Variants in ROPN1L observed in about 807,000 individuals in gnomAD.
ROPN1L encodes the protein rhophilin associated tail protein 1 like, also known as ropporin-1-like protein.
Under a neutral mutation model 22.7 loss-of-function variants are expected in ROPN1L, and 23 were observed. That is an observed-to-expected ratio of 1.01 (90% CI 0.73 to 1.43). The LOEUF is 1.43. ROPN1L is among the 40% of genes most tolerant of loss of function. The pLI is 0.00. For synonymous variants in ROPN1L, 116 were observed against 117.8 expected (o/e 0.98, Z 0.10); for missense variants, 271 against 291.5 (o/e 0.93, Z 0.51).
chr5:10,460,123 C>T (rs1734988916), intron 3 of ROPN1L, among the ~76,000 whole-genome samples: 2 of 152,146 alleles, frequency 1.3e-5, no homozygotes, highest in East Asian at 1.9e-4. Context: ...GACACCTGCC[C>T]CCACAGCTTA....
chr5:10,468,801 C>A (rs534249509), downstream of ROPN1L, among the ~76,000 whole-genome samples: 1 of 152,256 alleles, frequency 6.6e-6, no homozygotes, highest in Admixed American at 6.5e-5. Flanking sequence ...GGAGAGGAGG[C>A]CACATCTGGA....
chr5:10,464,439 C>T (rs548231093), intron 4 of ROPN1L, among the ~76,000 whole-genome samples: 11 of 152,260 alleles, frequency 7.2e-5, no homozygotes, highest in African/African-American at 2.7e-4. Context: ...CGCACCTCTT[C>T]TCTTCTTTTG....
At chr5:10,458,793 C>T (rs1734927232) in intron 3 of ROPN1L, among the ~76,000 whole-genome samples, 1 of 15,682 alleles carries the variant, frequency 6.4e-5, no homozygotes, top group South Asian at 2.5e-3. Flanking sequence ...CCCCCGTGTA[C>T]ACCATCCCGC....
chr5:10,460,574 G>A (rs76442554), intron 3 of ROPN1L, among the ~76,000 whole-genome samples: 1,617 of 152,378 alleles, frequency 0.011, 29 homozygotes, highest in African/African-American at 0.036. Context: ...TTGGAAGAGT[G>A]TGAGGGAGAT....
At chr5:10,473,412 G>A (rs2648807), downstream of ROPN1L, among the ~76,000 whole-genome samples, 26,866 of 152,114 alleles carry the variant, frequency 0.18, 3,546 homozygotes, top group East Asian at 0.67. Flanking sequence ...AGAGATTGGA[G>A]GAATGCTGCC....
chr5:10,458,983 G>A, intron 3 of ROPN1L, among the ~76,000 whole-genome samples: 1 of 124,516 alleles, frequency 8.0e-6, no homozygotes, highest in East Asian at 2.3e-4. Context: ...CACCCCGCCT[G>A]TATACCCCAT....
chr5:10,443,091 A>G (rs933108505), intron 1 of ROPN1L, among the ~76,000 whole-genome samples: 1 of 152,212 alleles, frequency 6.6e-6, no homozygotes, highest in Non-Finnish European at 1.5e-5. Context: ...TTGGTGGTTC[A>G]TGCCTGTAAT....
At chr5:10,462,890 AAATAATAACAACAAT>A (rs1031937747) in intron 4 of ROPN1L, among the ~76,000 whole-genome samples, 3 of 72,542 alleles carry the variant, frequency 4.1e-5, no homozygotes, top group Non-Finnish European at 8.4e-5. Context: ...ACTCCGTCTC[AAATAATAACAACAAT>A]AATAATAATA....
At chr5:10,476,106 T>C (rs556880913), downstream of ROPN1L, among the ~76,000 whole-genome samples, 1 of 152,344 alleles carries the variant, frequency 6.6e-6, no homozygotes, top group South Asian at 2.1e-4. Context: ...GCGGTGCGCT[T>C]AGCCACGTGA....
intron 3 of ROPN1L, among the ~76,000 whole-genome samples, chr5:10,457,243 G>C (rs530965388): frequency 1.3e-5 from 2 of 152,320 alleles, no homozygotes; most frequent in East Asian, 3.9e-4. Context: ...GGCAGCATCA[G>C]GTGCAGCCGC....
chr5:10,458,286 C>G (rs1230349994), intron 3 of ROPN1L, among the ~76,000 whole-genome samples: 3 of 151,930 alleles, frequency 2.0e-5, no homozygotes, highest in African/African-American at 7.3e-5. Flanking sequence ...CTGGCTGCGC[C>G]TTTCAAGTCC....
chr5:10,460,881 G>A (rs1392594800), intron 3 of ROPN1L, among the ~76,000 whole-genome samples: 4 of 152,246 alleles, frequency 2.6e-5, no homozygotes, highest in Admixed American at 2.0e-4. Flanking sequence ...ATTAGCTTAG[G>A]AAGTTGGTTT....
At chr5:10,477,399 C>T in the ROPN1L span, among the ~76,000 whole-genome samples, 2 of 152,194 alleles carry the variant, frequency 1.3e-5, no homozygotes, top group Non-Finnish European at 2.9e-5. Context: ...CCGTTATTCA[C>T]ACTGTATAGA....
intron 2 of ROPN1L, among the ~76,000 whole-genome samples, chr5:10,449,740 C>T (rs915255661): frequency 2.0e-5 from 3 of 152,100 alleles, no homozygotes; most frequent in East Asian, 1.9e-4. Flanking sequence ...TTCGCTTCAC[C>T]GTCCTTTTTT....
chr5:10,481,473 G>T, the ROPN1L span, among the ~76,000 whole-genome samples: 1 of 152,200 alleles, frequency 6.6e-6, no homozygotes, highest in Admixed American at 6.5e-5. Flanking sequence ...GGTGTCTGGG[G>T]CATGGGCTTG....
the ROPN1L span, among the ~76,000 whole-genome samples, chr5:10,477,174 C>T: frequency 2.0e-5 from 3 of 152,234 alleles, no homozygotes; most frequent in Non-Finnish European, 4.4e-5. Flanking sequence ...TTTTCAACTA[C>T]TTACAAGTGT....
chr5:10,477,601 G>A, the ROPN1L span, among the ~76,000 whole-genome samples: 2 of 152,194 alleles, frequency 1.3e-5, no homozygotes, highest in African/African-American at 4.8e-5. Flanking sequence ...GAGGATGGCA[G>A]GAAGAGGACA....
chr5:10,445,122 C>T (rs1371815729), intron 1 of ROPN1L, among the ~76,000 whole-genome samples: 2 of 152,022 alleles, frequency 1.3e-5, no homozygotes, highest in Non-Finnish European at 2.9e-5. Context: ...AGGTGCGTGC[C>T]ACCACGCCCA....
At chr5:10,476,951 C>G (rs1053144826), downstream of ROPN1L, among the ~76,000 whole-genome samples, 2 of 152,206 alleles carry the variant, frequency 1.3e-5, no homozygotes, top group Non-Finnish European at 2.9e-5. Context: ...AGACCTGCAA[C>G]CCTTTTCTGT....
Sources: allele counts gnomAD v4.1 joint callset (sites outside exome capture counted in the v4.1 genomes callset), GRCh38; gene constraint gnomAD v4.1.1; transcripts MANE v1.5; gene names NCBI Gene and HGNC (gene_info 2026-07-23, HGNC 2026-07-21).